Variants in SRGAP2B observed in about 807,000 individuals in gnomAD.
The protein encoded by SRGAP2B is SLIT-ROBO Rho GTPase activating protein 2B, also known as SLIT-ROBO Rho GTPase-activating protein 2B.
In SRGAP2B, 9 loss-of-function variants were observed where a neutral mutation model predicts 22.2. The ratio of observed to expected loss-of-function variants is 0.41; its 90% CI spans 0.24 to 0.71. The LOEUF is 0.71. SRGAP2B is among the 30% of genes least tolerant of loss of function. The pLI is 0.35. For missense variants in SRGAP2B, 114 were observed against 235.8 expected (o/e 0.48, Z 3.38); for synonymous variants, 36 against 87.4 (o/e 0.41, Z 3.28).
chr1:145,072,863 C>T (rs1222416743), intron 2 of SRGAP2B, among the ~76,000 whole-genome samples: 1 of 146,210 alleles, frequency 6.8e-6, no homozygotes, highest in Non-Finnish European at 1.5e-5. Context: ...TGAACTCAGC[C>T]TCTCCCACAC....
intron 3 of SRGAP2B, among the ~76,000 whole-genome samples, chr1:144,970,776 T>C (rs1217388296): frequency 2.0e-5 from 3 of 150,112 alleles, no homozygotes; most frequent in African/African-American, 5.0e-5. Flanking sequence ...ACTGTTTATC[T>C]TTTAAAAAAA....
In SRGAP2B at chr1:145,089,966, T is replaced by C. The variant is rs367937562; in HGVS notation, c.67+2869A>G. Among the ~76,000 whole-genome samples, 749 of 146,068 alleles carry C rather than the reference T, an allele frequency of 5.1e-3. 29 individuals carry two copies. The highest frequency in any genetic ancestry group is 8.8e-3 in the Non-Finnish European group (599 of 67,756). The stretch of plus-strand genomic sequence containing the variant: ...GAAACTGAGGCTCAGACAAGTCATG[T>C]AACTTGCCTGAAGTGAAAGGCTATC... On this transcript the variant is annotated intron_variant, in intron 2 of 9. Coordinates refer to ENST00000612199, the Ensembl canonical transcript of SRGAP2B.
At chr1:145,044,826 GA>G (rs1352846386) in intron 2 of SRGAP2B, among the ~76,000 whole-genome samples, 3 of 148,472 alleles carry the variant, frequency 2.0e-5, no homozygotes, top group Non-Finnish European at 4.5e-5. Context: ...CAACTGGAGG[GA>G]TATAGGGAGG....
chr1:145,019,778 C>T (rs1323821144), intron 2 of SRGAP2B, among the ~76,000 whole-genome samples: 1 of 145,864 alleles, frequency 6.9e-6, no homozygotes, highest in African/African-American at 2.6e-5. Context: ...AGAATAAAAG[C>T]CAACAGCCTA....
At chr1:144,910,373 T>G (rs1663333235) in intron 5 of SRGAP2B, among the ~76,000 whole-genome samples, 1 of 142,954 alleles carries the variant, frequency 7.0e-6, no homozygotes, top group Non-Finnish European at 1.5e-5. Flanking sequence ...GAAACATCTC[T>G]TATTTGTTCT....
chr1:144,991,970 T>A (rs1553617294), intron 3 of SRGAP2B, among the ~76,000 whole-genome samples: 1 of 144,830 alleles, frequency 6.9e-6, no homozygotes, highest in African/African-American at 2.7e-5. Flanking sequence ...GTTCTTTTGC[T>A]TTTTGCAATA....
chr1:144,984,369 A>AC lies in SRGAP2B; in HGVS notation c.260+10638_260+10639insG, dbSNP rs1558801876. On this transcript the variant is annotated intron_variant, in intron 3 of 9. Transcript: ENST00000612199. ...CAACAACAACAACAACAACAACAAAAAAAAAAAAACAAAAAAGCCCCTCTC... is the reference window on the plus strand; with the variant it reads ...CAACAACAACAACAACAACAACAAAACAAAAAAAAACAAAAAAGCCCCTCTC... Among the ~76,000 whole-genome samples, 187 of 146,526 alleles carry AC rather than the reference A, an allele frequency of 1.3e-3. 6 individuals are homozygous for AC. The highest frequency in any genetic ancestry group is 7.6e-3 in the South Asian group (36 of 4,748).
At chr1:144,959,099 A>C (rs1667487541) in intron 3 of SRGAP2B, among the ~76,000 whole-genome samples, 1 of 148,492 alleles carries the variant, frequency 6.7e-6, no homozygotes, top group Non-Finnish European at 1.5e-5. Context: ...AAAGCTGTAC[A>C]GGTGAGCCTA....
intron 2 of SRGAP2B, among the ~76,000 whole-genome samples, chr1:145,002,499 T>C (rs1160579355): frequency 1.1e-5 from 1 of 92,096 alleles, no homozygotes; most frequent in African/African-American, 5.5e-5. Context: ...GAGGACTGCT[T>C]GAAGCCGGAA....
At chr1:145,031,780 G>T (rs1452475953) in intron 2 of SRGAP2B, among the ~76,000 whole-genome samples, 1 of 143,202 alleles carries the variant, frequency 7.0e-6, no homozygotes, top group Non-Finnish European at 1.5e-5. Flanking sequence ...CCGGGAGGCG[G>T]AGCTTGCAGT....
chr1:145,017,116 G>A (rs1262393092), intron 2 of SRGAP2B, among the ~76,000 whole-genome samples: 1 of 139,508 alleles, frequency 7.2e-6, no homozygotes, highest in Non-Finnish European at 1.5e-5. Context: ...TTTTAGTAGA[G>A]ACAGGATTTC....
chr1:144,984,373 A>C lies in SRGAP2B; in HGVS notation c.260+10635T>G, dbSNP rs1266299092. ...AACAACAACAACAACAACAAAAAAA[A>C]AAAAACAAAAAAGCCCCTCTCTATT... On this transcript the variant is annotated intron_variant, in intron 3 of 9. Transcript: ENST00000612199. Among the ~76,000 whole-genome samples, 962 of 148,536 alleles carry C rather than the reference A, an allele frequency of 6.5e-3. 21 individuals carry two copies. The highest frequency in any genetic ancestry group is 0.024 in the African/African-American group (920 of 38,944).
rs2102303156 is a variant in SRGAP2B at position 145,026,628 on chromosome 1, TGG to T, written c.68-31430_68-31429del. On this transcript the variant is annotated intron_variant, in intron 2 of 9. Transcript: ENST00000612199. Reference sequence around the variant, plus strand: ...TTTCAGGAGGGCCAGAAGCAGCTGCTGGTCACTGCCAAGCAGACAGGACAGCA... The same window carrying T: ...TTTCAGGAGGGCCAGAAGCAGCTGCTTCACTGCCAAGCAGACAGGACAGCA... Among the ~76,000 whole-genome samples, 3 of 151,060 alleles carry T rather than the reference TGG, an allele frequency of 2.0e-5. No homozygotes were observed. The South Asian group carries it at 6.3e-4, about 32-fold the overall frequency.
chr1:144,970,769 G>A (rs1208136935), intron 3 of SRGAP2B, among the ~76,000 whole-genome samples: 1 of 149,440 alleles, frequency 6.7e-6, no homozygotes, highest in Non-Finnish European at 1.5e-5. Flanking sequence ...ATGAATAACT[G>A]TTTATCTTTT....
intron 2 of SRGAP2B, among the ~76,000 whole-genome samples, chr1:144,998,891 C>T (rs1435068702): frequency 6.6e-6 from 1 of 151,008 alleles, no homozygotes; most frequent in East Asian, 1.9e-4. Context: ...AGTCCCCGTT[C>T]ATGCACACAA....
At chr1:144,995,286 C>T in intron 2 of SRGAP2B, 86 bp from the exon 3 acceptor site, 1 of 434,538 alleles carries the variant, frequency 2.3e-6, no homozygotes, top group Non-Finnish European at 3.8e-6. Context: ...CTTCCACTTA[C>T]TTATTCCCCG....
chr1:145,080,714 C>T (rs1475819849), intron 2 of SRGAP2B, among the ~76,000 whole-genome samples: 1 of 148,896 alleles, frequency 6.7e-6, no homozygotes, highest in Non-Finnish European at 1.5e-5. Context: ...GCCACCATGC[C>T]CAGCTAACTT....
chr1:144,911,956 T>C (rs1477626057), intron 5 of SRGAP2B, among the ~76,000 whole-genome samples: 3 of 134,862 alleles, frequency 2.2e-5, no homozygotes, highest in East Asian at 2.1e-4. Flanking sequence ...TTTTCTTTTT[T>C]TTTTTTTTTT....
At chr1:145,007,887 A>C (rs1570994730) in intron 2 of SRGAP2B, among the ~76,000 whole-genome samples, 2 of 99,602 alleles carry the variant, frequency 2.0e-5, no homozygotes, top group African/African-American at 4.6e-5. Flanking sequence ...GCCCACTGCA[A>C]CCTCTGCCTC....
Sources: gnomAD v4.1 joint callset for allele counts (sites outside exome capture counted in the v4.1 genomes callset) on GRCh38, gnomAD v4.1.1 for gene constraint, MANE v1.5 for transcripts, NCBI Gene and HGNC (gene_info 2026-07-23, HGNC 2026-07-21) for gene names.